TBC1D22A: variants seen among roughly 807,000 people sequenced by gnomAD.
TBC1D22A encodes putative GTPase activator.
Under a neutral mutation model 60.2 loss-of-function variants are expected in TBC1D22A, and 38 were observed. The ratio of observed to expected loss-of-function variants is 0.63; its 90% CI spans 0.49 to 0.83. The LOEUF is 0.83. Among genes scored for constraint, TBC1D22A ranks in the 40% least tolerant of loss-of-function variants. TBC1D22A has a pLI of 0.00. For synonymous variants in TBC1D22A, 302 were observed against 281.7 expected, an observed-to-expected ratio of 1.07 and a Z score of -0.72; for missense variants, 628 against 701.0, an observed-to-expected ratio of 0.90 and a Z score of 1.18.
intron 8 of TBC1D22A, among the ~76,000 whole-genome samples, chr22:46,934,856 C>A (rs1186746658): frequency 6.6e-6 from 1 of 152,194 alleles, no homozygotes; most frequent in Non-Finnish European, 1.5e-5. Flanking sequence ...CAGGGGCCCT[C>A]CCTGGGCTCA....
chr22:46,844,700 G>A (rs1031593756), intron 4 of TBC1D22A, among the ~76,000 whole-genome samples: 17 of 152,318 alleles, frequency 1.1e-4, no homozygotes, highest in African/African-American at 3.6e-4. Context: ...GGGGTCTGGA[G>A]CAGTCACTTA....
chr22:47,070,953 G>A (rs8142165), intron 11 of TBC1D22A, among the ~76,000 whole-genome samples: 5,163 of 144,756 alleles, frequency 0.036, 253 homozygotes, highest in Middle Eastern at 0.055. Flanking sequence ...GGCGCTGTTC[G>A]TGTAAGTTGT....
chr22:46,806,912 G>T (rs1265953938), intron 4 of TBC1D22A, among the ~76,000 whole-genome samples: 3 of 152,222 alleles, frequency 2.0e-5, no homozygotes, highest in Non-Finnish European at 4.4e-5. Flanking sequence ...AGGAGGGGAA[G>T]TTCAACCTCT....
intron 11 of TBC1D22A, among the ~76,000 whole-genome samples, chr22:47,057,820 T>C (rs2063444610): frequency 6.6e-6 from 1 of 152,098 alleles, no homozygotes; most frequent in African/African-American, 2.4e-5. Flanking sequence ...CAATTCAAGA[T>C]GAAATTTGGG....
chr22:46,797,287 A>T (rs1174678894), intron 3 of TBC1D22A, among the ~76,000 whole-genome samples, 157 bp from the exon 4 acceptor site: 3 of 152,218 alleles, frequency 2.0e-5, no homozygotes, highest in Non-Finnish European at 2.9e-5. Context: ...CAAAGGTGTC[A>T]GTTCCATGTT....
At chr22:47,076,586 C>T (rs67804920) in intron 11 of TBC1D22A, among the ~76,000 whole-genome samples, 70,930 of 151,264 alleles carry the variant, frequency 0.47, 17,308 homozygotes, top group East Asian at 0.58. Flanking sequence ...GATTGGAGTT[C>T]TGCAGGCCAG....
chr22:47,104,452 T>C (rs1424640039), intron 11 of TBC1D22A, among the ~76,000 whole-genome samples: 2 of 145,640 alleles, frequency 1.4e-5, no homozygotes, highest in Non-Finnish European at 3.0e-5. Flanking sequence ...CCCAGCACTT[T>C]GGGAGGGCAA....
intron 8 of TBC1D22A, among the ~76,000 whole-genome samples, chr22:46,962,697 T>A (rs2073573485): frequency 6.6e-6 from 1 of 152,204 alleles, no homozygotes; most frequent in Non-Finnish European, 1.5e-5. Context: ...AAAGAGCATG[T>A]TATAAAATGG....
chr22:46,981,485 C>T (rs1033240381), intron 9 of TBC1D22A, among the ~76,000 whole-genome samples: 1 of 152,164 alleles, frequency 6.6e-6, no homozygotes, highest in African/African-American at 2.4e-5. Context: ...TCTCCATAAT[C>T]CCCCACATGT....
In TBC1D22A at chr22:47,030,638, A is replaced by G. The variant is rs141575442; in HGVS notation, c.1202-6433A>G. Among the ~76,000 whole-genome samples, 122 of 152,358 alleles carry G rather than the reference A, an allele frequency of 8.0e-4. 1 individual carries two copies. In the East Asian group the frequency reaches 0.021, roughly 26 times the overall value. ...AACCTTTTCAGCCTGAAATATGACA[A>G]TAATTACACCTGCCTGCTCATTCAT... On this transcript the variant is annotated intron_variant, in intron 10 of 12. Transcript: ENST00000337137.
intron 1 of TBC1D22A, among the ~76,000 whole-genome samples, chr22:46,787,375 C>T (rs2084204225): frequency 6.6e-6 from 1 of 152,176 alleles, no homozygotes; most frequent in South Asian, 2.1e-4. Flanking sequence ...GTTGCCTCTC[C>T]TCTCTTTCTG....
chr22:47,029,245 C>A (rs1443138764), intron 10 of TBC1D22A, among the ~76,000 whole-genome samples: 1 of 140,004 alleles, frequency 7.1e-6, no homozygotes, highest in Non-Finnish European at 1.6e-5. Context: ...AGGGACACAG[C>A]GCTTCCATAC....
chr22:46,948,459 T>TG (rs2072687327), intron 8 of TBC1D22A, among the ~76,000 whole-genome samples: 1 of 152,238 alleles, frequency 6.6e-6, no homozygotes, highest in Admixed American at 6.5e-5. Context: ...TGGGTGCCCA[T>TG]GGGGGTAGAG....
rs552646826 is a variant in TBC1D22A, at chr22:46,927,276, A to C, written c.1015+15088A>C. On this transcript the variant is annotated intron_variant, in intron 8 of 12. Transcript: ENST00000337137. ...CATTATTACAAGTGGAATTTATTTG[A>C]GGAATGCTGGGATGGTTCAACATTT... is the stretch of plus-strand genomic sequence containing the variant. Among the ~76,000 whole-genome samples the C allele has an allele frequency of 2.6e-5, 4 of 152,370 alleles. No individual in the cohort carries two copies. The East Asian group carries it at 5.8e-4, about 22-fold the overall frequency.
rs987602615 is a variant in TBC1D22A at position 47,117,655 on chromosome 22, C to T, written c.1425+6052C>T. On this transcript the variant is annotated intron_variant, in intron 12 of 12. Transcript: ENST00000337137. Reference sequence around the variant, plus strand: ...GCAGGAGCGAGGAAAGCAGGACGCTCCCGGGAGCACAGGAGCCCAGCGCCA... The same window carrying T: ...GCAGGAGCGAGGAAAGCAGGACGCTTCCGGGAGCACAGGAGCCCAGCGCCA... Among the ~76,000 whole-genome samples, 7 of 152,334 alleles carry T rather than the reference C, an allele frequency of 4.6e-5. No homozygotes were observed. In the East Asian group the frequency reaches 1.2e-3, roughly 25 times the overall value.
chr22:47,041,214 CA>C (rs1295733619), intron 11 of TBC1D22A, among the ~76,000 whole-genome samples: 5 of 152,324 alleles, frequency 3.3e-5, no homozygotes, highest in African/African-American at 1.2e-4. Flanking sequence ...GAATGTTAAT[CA>C]TTGCACTTCT....
chr22:46,799,960 T>C (rs917865624), intron 4 of TBC1D22A, among the ~76,000 whole-genome samples: 1 of 152,246 alleles, frequency 6.6e-6, no homozygotes, highest in Non-Finnish European at 1.5e-5. Context: ...TGAAGTGCTC[T>C]GTAGAGAGAT....
intron 11 of TBC1D22A, among the ~76,000 whole-genome samples, chr22:47,090,496 T>C (rs953015932): frequency 6.6e-6 from 1 of 152,120 alleles, no homozygotes; most frequent in Non-Finnish European, 1.5e-5. Context: ...ATGCATGCCC[T>C]TTACTGTCCT....
chr22:46,945,242 C>T (rs556604580), intron 8 of TBC1D22A, among the ~76,000 whole-genome samples: 1 of 152,144 alleles, frequency 6.6e-6, no homozygotes, highest in Non-Finnish European at 1.5e-5. Flanking sequence ...GTTTAAATTT[C>T]GGGAGGGATA....
Sources: allele counts gnomAD v4.1 joint callset (sites outside exome capture counted in the v4.1 genomes callset), GRCh38; gene constraint gnomAD v4.1.1; transcripts MANE v1.5; gene names NCBI Gene and HGNC (gene_info 2026-07-23, HGNC 2026-07-21).